The following SPOCK3 variants were observed in gnomAD, a reference collection of about 807,000 sequenced individuals.
The protein encoded by SPOCK3 is testican-3.
A neutral mutation model predicts 56.6 loss-of-function variants in SPOCK3; 30 were observed. The observed-to-expected ratio is 0.53, with a 90% CI of 0.40 to 0.72. The LOEUF (loss-of-function observed/expected upper bound fraction) is 0.72. Among genes scored for constraint, SPOCK3 ranks in the 30% least tolerant of loss-of-function variants. SPOCK3 has a pLI of 0.00. For missense variants in SPOCK3, 527 were observed against 530.0 expected (o/e 0.99, Z 0.06); for synonymous variants, 196 against 183.3 (o/e 1.07, Z -0.56).
At chr4:166,745,021 G>A (rs578031542) in intron 8 of SPOCK3, among the ~76,000 whole-genome samples, 56 of 152,218 alleles carry the variant, frequency 3.7e-4, no homozygotes, top group Non-Finnish European at 5.4e-4. Context: ...ATTGGTGTAC[G>A]TGAAAGTGAT....
At chr4:166,767,917 T>A (rs1022507249) in intron 7 of SPOCK3, among the ~76,000 whole-genome samples, 1 of 152,214 alleles carries the variant, frequency 6.6e-6, no homozygotes, top group African/African-American at 2.4e-5. Context: ...CTCTTTTTGT[T>A]GAATTGATGC....
At chr4:166,894,515 C>G (rs1238658340) in intron 5 of SPOCK3, among the ~76,000 whole-genome samples, 1 of 152,130 alleles carries the variant, frequency 6.6e-6, no homozygotes, top group East Asian at 1.9e-4. Context: ...TTACCTTATA[C>G]TTCAAACTTT....
intron 2 of SPOCK3, among the ~76,000 whole-genome samples, chr4:167,181,754 A>C (rs1445796822): frequency 6.6e-6 from 1 of 152,220 alleles, no homozygotes. Flanking sequence ...AGCTATACTC[A>C]GTAGTTGCAT....
chr4:166,925,814 T>G (rs1739030500), intron 4 of SPOCK3, among the ~76,000 whole-genome samples: 1 of 152,156 alleles, frequency 6.6e-6, no homozygotes, highest in South Asian at 2.1e-4. Context: ...ATGCTGTGCT[T>G]GTGAATTTCC....
intron 2 of SPOCK3, among the ~76,000 whole-genome samples, chr4:167,204,716 G>A (rs1383063917): frequency 6.6e-6 from 1 of 151,768 alleles, no homozygotes; most frequent in Non-Finnish European, 1.5e-5. Context: ...GGCTTGAGTT[G>A]TTACATGAGA....
chr4:166,999,257 C>G (rs1748707614), intron 4 of SPOCK3, among the ~76,000 whole-genome samples: 1 of 152,110 alleles, frequency 6.6e-6, no homozygotes, highest in Non-Finnish European at 1.5e-5. Flanking sequence ...TTATATCCAA[C>G]TCCCTTGGTT....
chr4:166,910,582 C>T (rs1437630178), intron 5 of SPOCK3, among the ~76,000 whole-genome samples: 8 of 152,038 alleles, frequency 5.3e-5, no homozygotes, highest in African/African-American at 1.9e-4. Flanking sequence ...CATCATCAAT[C>T]AAGTCTTATC....
chr4:167,157,949 T>C (rs1764956868), intron 2 of SPOCK3, among the ~76,000 whole-genome samples: 1 of 152,060 alleles, frequency 6.6e-6, no homozygotes, highest in South Asian at 2.1e-4. Flanking sequence ...TTTGTTTTGA[T>C]AATAATCCAG....
intron 4 of SPOCK3, among the ~76,000 whole-genome samples, chr4:166,940,021 CTAAAGGAAAGA>C (rs1032508181): frequency 7.9e-5 from 12 of 151,978 alleles, no homozygotes; most frequent in Admixed American, 4.6e-4. Flanking sequence ...TTCTGCATTA[CTAAAGGAAAGA>C]TATTTAAAAT....
At chr4:167,078,629 GAAT>G (rs542873033) in intron 2 of SPOCK3, among the ~76,000 whole-genome samples, 2 of 150,668 alleles carry the variant, frequency 1.3e-5, no homozygotes, top group Non-Finnish European at 1.5e-5. Flanking sequence ...AGTTTTCTTT[GAAT>G]AATAATAATA....
chr4:166,791,519 A>C (rs1741345803), intron 7 of SPOCK3, among the ~76,000 whole-genome samples: 1 of 152,220 alleles, frequency 6.6e-6, no homozygotes, highest in African/African-American at 2.4e-5. Flanking sequence ...CATGCATTAC[A>C]TGATAAACAC....
rs532211164 is a variant in SPOCK3 at position 166,902,094 on chromosome 4, T to C, written c.474+10526A>G. 3.0e-4 allele frequency among the ~76,000 whole-genome samples: 46 copies of C among 152,296 alleles called. 2 individuals carry two copies. In the South Asian group the frequency reaches 6.0e-3, roughly 20 times the overall value. On this transcript the variant is annotated intron_variant, in intron 5 of 10. Transcript: ENST00000357545. ...CGTGCACTCTTTTCAAGGATGTTTA[T>C]GTAGCAAACGGACTTAGAAGGTATT... is the stretch of plus-strand genomic sequence containing the variant.
intron 2 of SPOCK3, among the ~76,000 whole-genome samples, chr4:167,219,158 G>A (rs751959919): frequency 2.0e-5 from 3 of 152,164 alleles, no homozygotes; most frequent in African/African-American, 7.2e-5. Flanking sequence ...CTGCCTCAGG[G>A]ACATCCGAGG....
chr4:166,768,034 T>A (rs1245997970), intron 7 of SPOCK3, among the ~76,000 whole-genome samples: 1 of 152,004 alleles, frequency 6.6e-6, no homozygotes, highest in East Asian at 1.9e-4. Flanking sequence ...TGTTTTACAT[T>A]TGTCTGGTAG....
Position 167,001,266 on chromosome 4 carries a change from A to G in SPOCK3, c.236-803T>C, listed in dbSNP as rs140800103. ...AAATACCCAAACATATCGTCTTGTT[A>G]TCATTATCATCCCCTATTCCCTCTC... On this transcript the variant is annotated intron_variant, in intron 3 of 10. Transcript: ENST00000357545. Among the ~76,000 whole-genome samples, 1,317 of 152,282 alleles carry G rather than the reference A, an allele frequency of 8.6e-3. 20 individuals are homozygous for G. Among genetic ancestry groups the G allele is most frequent in the African/African-American group, 0.03 (1,241 of 41,564 alleles).
chr4:166,762,893 C>A (rs541800539), intron 7 of SPOCK3, among the ~76,000 whole-genome samples: 126 of 152,152 alleles, frequency 8.3e-4, no homozygotes, highest in Non-Finnish European at 1.4e-3. Context: ...CAACCATGAG[C>A]CTTATTGAAC....
rs1486502836 is a variant in SPOCK3, at chr4:166,953,527, T to C, written c.351-40784A>G. Among the ~76,000 whole-genome samples, 226 of 151,944 alleles carry C rather than the reference T, an allele frequency of 1.5e-3. 1 individual carries two copies. The highest frequency in any genetic ancestry group is 4.0e-3 in the African/African-American group (165 of 41,424). ...TCAACCATTGTGGAAGTCAGTGTGG[T>C]GATTCCTCAGGGATCTAGAACTAGA... On this transcript the variant is annotated intron_variant, in intron 4 of 10. Coordinates refer to ENST00000357545, the MANE Select transcript of SPOCK3 (RefSeq NM_001040159.2).
chr4:166,815,805 T>TA (rs1446690008), intron 6 of SPOCK3, among the ~76,000 whole-genome samples: 1 of 152,028 alleles, frequency 6.6e-6, no homozygotes, highest in African/African-American at 2.4e-5. Context: ...AAAAAAGTGT[T>TA]ACCTCTACTA....
chr4:167,109,435 AATAT>A (rs1378523123), intron 2 of SPOCK3, among the ~76,000 whole-genome samples: 1 of 104,568 alleles, frequency 9.6e-6, no homozygotes, highest in Non-Finnish European at 1.8e-5. Flanking sequence ...ATATATGATA[AATAT>A]ATATTTATAT....
Sources: allele counts gnomAD v4.1 joint callset (sites outside exome capture counted in the v4.1 genomes callset), GRCh38; gene constraint gnomAD v4.1.1; transcripts MANE v1.5; gene names NCBI Gene and HGNC (gene_info 2026-07-23, HGNC 2026-07-21).